EXD3: variants seen among roughly 807,000 people sequenced by gnomAD.
EXD3 encodes exonuclease mut-7 homolog.
EXD3 carries 92 observed loss-of-function variants against 98.0 expected under a neutral mutation model. That is an observed-to-expected ratio of 0.94 (90% CI 0.79 to 1.12). The LOEUF is 1.12. EXD3 is among the 50% of genes most tolerant of loss of function. The pLI, the probability that EXD3 is intolerant of heterozygous loss-of-function variation, is 0.00. For synonymous variants in EXD3, 569 were observed against 526.0 expected (o/e 1.08, Z -1.12); for missense variants, 1,222 against 1,191.6 (o/e 1.03, Z -0.38).
intron 2 of EXD3, among the ~76,000 whole-genome samples, chr9:137,386,164 C>T (rs757896298): frequency 2.0e-5 from 3 of 151,784 alleles, no homozygotes; most frequent in African/African-American, 4.8e-5. Context: ...GGCATGGTGG[C>T]GCTCCTGAGG....
chr9:137,418,825 T>C (rs925206804), intron 1 of EXD3, among the ~76,000 whole-genome samples: 1 of 151,950 alleles, frequency 6.6e-6, no homozygotes, highest in African/African-American at 2.4e-5. Context: ...CTGTCTTTAG[T>C]AGGTCTATTG....
chr9:137,321,360 C>T (rs1832022443), intron 19 of EXD3, among the ~76,000 whole-genome samples: 2 of 152,224 alleles, frequency 1.3e-5, no homozygotes, highest in Non-Finnish European at 2.9e-5. Flanking sequence ...GGGGATCTCC[C>T]TCCATGAGGG....
intron 2 of EXD3, among the ~76,000 whole-genome samples, chr9:137,386,752 C>G (rs543220351): frequency 2.0e-4 from 30 of 152,102 alleles, no homozygotes; most frequent in Admixed American, 1.6e-3. Context: ...TGCCCGGAAG[C>G]CCCCTCAGCA....
intron 17 of EXD3, among the ~76,000 whole-genome samples, chr9:137,340,229 G>A (rs1030661258): frequency 1.3e-5 from 2 of 152,190 alleles, no homozygotes; most frequent in African/African-American, 4.8e-5. Flanking sequence ...TGTAATCTCA[G>A]CACTCTGGGA....
chr9:137,364,774 T>G (rs1049327303), intron 7 of EXD3, among the ~76,000 whole-genome samples: 5 of 149,074 alleles, frequency 3.4e-5, no homozygotes, highest in East Asian at 2.0e-4. Context: ...TTCTATGTTT[T>G]TTTTTTTTTT....
At chr9:137,325,131 A>G (rs1022446509) in intron 17 of EXD3, among the ~76,000 whole-genome samples, 4 of 152,204 alleles carry the variant, frequency 2.6e-5, no homozygotes, top group East Asian at 1.9e-4. Context: ...ACAAGACCCA[A>G]TCCCATCGCC....
In EXD3 at chr9:137,423,149, C is replaced by G. The variant is rs1056617775; in HGVS notation, c.-83G>C. The G allele has an allele frequency of 1.3e-5, 2 of 151,554 alleles. No homozygotes were observed. Among genetic ancestry groups the G allele is most frequent in the South Asian group, 2.1e-4 (1 of 4,836 alleles). 9.4% of individuals were successfully genotyped at this position (151,554 alleles called of 1,614,324 possible). A position where few individuals can be genotyped will look rare whatever the true frequency, so the allele number is the denominator to read the frequency against. On this transcript the variant is annotated 5_prime_UTR_variant, in exon 1 of 22. Transcript: ENST00000340951. The stretch of plus-strand genomic sequence containing the variant: ...GGGACCGCCCCACACCGTCCACGCC[C>G]GGCGCGGAACCTTGGCCCGACCGCA...
chr9:137,419,857 C>T (rs1838416328), intron 1 of EXD3, among the ~76,000 whole-genome samples: 2 of 150,534 alleles, frequency 1.3e-5, no homozygotes, highest in African/African-American at 4.9e-5. Flanking sequence ...ATTGTTAACC[C>T]AACATCATAC....
chr9:137,333,778 A>G lies in EXD3; in HGVS notation c.1999-9635T>C, dbSNP rs553859916. 5.5e-4 allele frequency among the ~76,000 whole-genome samples: 83 copies of G among 152,270 alleles called. No homozygotes were observed. The Middle Eastern group carries it at 0.014, about 25-fold the overall frequency. On this transcript the variant is annotated intron_variant, in intron 17 of 21. Coordinates refer to ENST00000340951, the MANE Select transcript of EXD3 (RefSeq NM_017820.5). Reference sequence around the variant, plus strand: ...CGGTTCCTGTACAGCCTCCAGAACCATAAGCCAGTTGAACCTCTTTTCTTA... The same window carrying G: ...CGGTTCCTGTACAGCCTCCAGAACCGTAAGCCAGTTGAACCTCTTTTCTTA...
chr9:137,415,876 C>T (rs113333756), intron 1 of EXD3, among the ~76,000 whole-genome samples: 1,953 of 152,292 alleles, frequency 0.013, 42 homozygotes, highest in African/African-American at 0.044. Flanking sequence ...AGTCGCGTTG[C>T]CCTAAGGGGA....
At chr9:137,332,134 A>G (rs1367548818) in intron 17 of EXD3, among the ~76,000 whole-genome samples, 1 of 152,198 alleles carries the variant, frequency 6.6e-6, no homozygotes, top group African/African-American at 2.4e-5. Flanking sequence ...GAATTGGAGG[A>G]ATCGATATTG....
At chr9:137,421,682 T>A (rs936325212) in intron 1 of EXD3, among the ~76,000 whole-genome samples, 9 of 152,012 alleles carry the variant, frequency 5.9e-5, no homozygotes, top group African/African-American at 2.2e-4. Context: ...ACCAAAAAAA[T>A]TTAAAATTAG....
chr9:137,349,212 C>G lies in EXD3; in HGVS notation c.1728G>C (p.Ser576=). Residue 576 remains serine (S), a synonymous_variant, in exon 16 of 22, where the codon TCG becomes TCC. Transcript: ENST00000340951. This position sits in a 1 kb window ranked among gnomAD's most constrained non-coding sequence, Gnocchi z 7.4. The stretch of plus-strand genomic sequence containing the variant: ...GCCTCCGGCTCCCAGCCAGGTCCTC[C>G]GACAGGTGGAAGCGGGCGGGCTCTC... ...LCREPARFHL[S]EDLAGSRRPR... 6.3e-7 allele frequency: 1 copy of G among 1,583,236 alleles called. No homozygotes were observed. The highest frequency in any genetic ancestry group is 8.5e-7 in the Non-Finnish European group (1 of 1,171,024).
At chr9:137,363,901 A>G (rs1009039884) in intron 7 of EXD3, among the ~76,000 whole-genome samples, 1 of 152,126 alleles carries the variant, frequency 6.6e-6, no homozygotes, top group African/African-American at 2.4e-5. Flanking sequence ...TTTAATGTCT[A>G]TACGGTCTGT....
In EXD3 at chr9:137,406,291, G is replaced by GA. The variant is rs535972920; in HGVS notation, c.-47-10888dup. On this transcript the variant is annotated intron_variant, in intron 1 of 21. Coordinates refer to ENST00000340951, the MANE Select transcript of EXD3 (RefSeq NM_017820.5). ...AAGAAAATAAAAGGCAAGGAAAAAG[G>GA]AAAAAAAAAAGAAAAAGAAAAGAAA... Among the ~76,000 whole-genome samples the GA allele has an allele frequency of 3.9e-3, 555 of 143,116 alleles. 3 individuals carry two copies. The highest frequency in any genetic ancestry group is 5.5e-3 in the Non-Finnish European group (357 of 64,960). 93.9% of individuals were successfully genotyped at this position (143,116 alleles called of 152,430 possible).
chr9:137,307,109 A>T lies in EXD3; in HGVS notation c.2472T>A (p.Pro824=), dbSNP rs1452907027. The change falls in exon 22 of 22, where the codon CCT becomes CCA. Residue 824 remains proline (P), a synonymous_variant. Transcript: ENST00000340951. ...AGVPVGVLRT[P]GLRCFYCCTG... is the part of the protein sequence containing the mutation. ...TGCAGCAGTAGAAGCACCGCAGCCC[A>T]GGTGTCCTCAGCACACCCACCGGGA... is the stretch of plus-strand genomic sequence containing the variant. 6.2e-7 allele frequency: 1 copy of T among 1,607,944 alleles called. No individual in the cohort carries two copies. The highest frequency in any genetic ancestry group is 1.1e-5 in the South Asian group (1 of 90,368).
At chr9:137,387,983 G>C (rs1245479253) in intron 2 of EXD3, among the ~76,000 whole-genome samples, 4 of 152,236 alleles carry the variant, frequency 2.6e-5, no homozygotes, top group Non-Finnish European at 4.4e-5. Context: ...CTGGCCAGGA[G>C]GCTGGGCCCT....
chr9:137,394,993 C>A lies in EXD3; in HGVS notation c.55+310G>T, dbSNP rs376557281. 3.1e-3 allele frequency among the ~76,000 whole-genome samples: 470 copies of A among 152,226 alleles called. 1 individual carries two copies. Among genetic ancestry groups the A allele is most frequent in the African/African-American group, 0.011 (452 of 41,550 alleles). ...GAGGGGACCAGAGCTCCCACCTCTGCGGCCAGCCCTGAGCAGCTGCACTGT... is the reference window on the plus strand; with the variant it reads ...GAGGGGACCAGAGCTCCCACCTCTGAGGCCAGCCCTGAGCAGCTGCACTGT... On this transcript the variant is annotated intron_variant, in intron 2 of 21. Coordinates refer to ENST00000340951, the MANE Select transcript of EXD3 (RefSeq NM_017820.5).
intron 11 of EXD3, 38 bp from the exon 12 acceptor site, chr9:137,352,239 G>A: frequency 6.2e-7 from 1 of 1,610,940 alleles, no homozygotes; most frequent in East Asian, 2.2e-5. Context: ...CCATGTCCCT[G>A]GTCCCCCACC....
Sources: allele counts gnomAD v4.1 joint callset (sites outside exome capture counted in the v4.1 genomes callset), GRCh38; gene constraint gnomAD v4.1.1; non-coding constraint Gnocchi (gnomAD v3.1); transcripts MANE v1.5; gene names NCBI Gene and HGNC (gene_info 2026-07-23, HGNC 2026-07-21).